ROBO1: variants seen among roughly 807,000 people sequenced by gnomAD.
ROBO1 encodes roundabout guidance receptor 1.
ROBO1 carries 149 observed loss-of-function variants against 195.9 expected under a neutral mutation model. The ratio of observed to expected loss-of-function variants is 0.76; its 90% CI spans 0.67 to 0.87. The LOEUF (loss-of-function observed/expected upper bound fraction) is 0.87. ROBO1 is among the 40% of genes least tolerant of loss of function. ROBO1 has a pLI of 0.00. For synonymous variants in ROBO1, 816 were observed against 733.2 expected (o/e 1.11, Z -1.82); for missense variants, 1,933 against 2,068.3 (o/e 0.93, Z 1.27).
chr3:79,035,744 C>G (rs546721009), intron 3 of ROBO1, among the ~76,000 whole-genome samples: 1 of 150,530 alleles, frequency 6.6e-6, no homozygotes, highest in South Asian at 2.1e-4. Flanking sequence ...AAAAAAAAAG[C>G]ATTAATAAGA....
intron 2 of ROBO1, among the ~76,000 whole-genome samples, chr3:79,284,921 A>G (rs2031790053): frequency 6.6e-6 from 1 of 152,078 alleles, no homozygotes; most frequent in African/African-American, 2.4e-5. Context: ...GTGACAAAAT[A>G]GCCTGGAAAA....
chr3:79,069,176 G>T (rs2079048601), intron 3 of ROBO1, among the ~76,000 whole-genome samples: 1 of 151,718 alleles, frequency 6.6e-6, no homozygotes, highest in South Asian at 2.1e-4. Context: ...CTGTTTAGTG[G>T]ATGAAAATAG....
chr3:79,460,148 T>A (rs1937582848), intron 2 of ROBO1, among the ~76,000 whole-genome samples: 1 of 152,188 alleles, frequency 6.6e-6, no homozygotes, highest in Non-Finnish European at 1.5e-5. Flanking sequence ...GCCAATTATC[T>A]TTCACTTAAA....
chr3:79,305,870 T>G (rs1338690196), intron 2 of ROBO1, among the ~76,000 whole-genome samples: 1 of 152,152 alleles, frequency 6.6e-6, no homozygotes, highest in Non-Finnish European at 1.5e-5. Context: ...ATAATTTCCT[T>G]TATCTAATAG....
At chr3:79,342,469 C>T (rs1377775142) in intron 2 of ROBO1, among the ~76,000 whole-genome samples, 1 of 152,106 alleles carries the variant, frequency 6.6e-6, no homozygotes, top group African/African-American at 2.4e-5. Context: ...TTCAGAATTA[C>T]TTCGAGTGCT....
At chr3:79,457,798 GCTCTGAGTCCATTAAAC>G (rs2039669784) in intron 2 of ROBO1, among the ~76,000 whole-genome samples, 1 of 152,084 alleles carries the variant, frequency 6.6e-6, no homozygotes, top group Non-Finnish European at 1.5e-5. Flanking sequence ...GCCATGTGGA[GCTCTGAGTCCATTAAAC>G]CTCTTTTTCT....
chr3:79,499,589 A>G (rs1366772580), intron 2 of ROBO1, among the ~76,000 whole-genome samples: 1 of 152,182 alleles, frequency 6.6e-6, no homozygotes, highest in Non-Finnish European at 1.5e-5. Flanking sequence ...AACAATGACC[A>G]CAAGCAGATC....
chr3:78,819,842 C>A (rs887611739), intron 4 of ROBO1, among the ~76,000 whole-genome samples: 2 of 152,124 alleles, frequency 1.3e-5, no homozygotes, highest in Non-Finnish European at 2.9e-5. Context: ...TAGACACACA[C>A]AAACCTGTTG....
intron 2 of ROBO1, among the ~76,000 whole-genome samples, chr3:79,253,709 C>G (rs2082774036): frequency 6.6e-6 from 1 of 152,144 alleles, no homozygotes; most frequent in Admixed American, 6.6e-5. Flanking sequence ...TACAAAATTC[C>G]TGCAAGTGCA....
At chr3:79,676,758 G>T (rs1178986648) in intron 1 of ROBO1, among the ~76,000 whole-genome samples, 1 of 152,092 alleles carries the variant, frequency 6.6e-6, no homozygotes, top group South Asian at 2.1e-4. Context: ...TAGAAGCAAG[G>T]TATAGGTCCT....
chr3:79,516,192 A>C (rs1940935731), intron 2 of ROBO1, among the ~76,000 whole-genome samples: 2 of 152,184 alleles, frequency 1.3e-5, no homozygotes, highest in Non-Finnish European at 2.9e-5. Flanking sequence ...AATGTGGTTT[A>C]CTGTTAGTAT....
intron 2 of ROBO1, among the ~76,000 whole-genome samples, chr3:79,454,130 C>A (rs1160896629): frequency 2.4e-5 from 3 of 124,450 alleles, no homozygotes; most frequent in East Asian, 5.9e-4. Flanking sequence ...TAATTTCATT[C>A]CTTTTTTTTT....
At chr3:79,703,751 T>C (rs1947688346) in intron 1 of ROBO1, among the ~76,000 whole-genome samples, 1 of 151,994 alleles carries the variant, frequency 6.6e-6, no homozygotes, top group Non-Finnish European at 1.5e-5. Flanking sequence ...TAGGGAAACT[T>C]AGAAGAATGA....
At chr3:79,592,768 A>T (rs897069402) in intron 1 of ROBO1, among the ~76,000 whole-genome samples, 1 of 152,040 alleles carries the variant, frequency 6.6e-6, no homozygotes, top group Admixed American at 6.6e-5. Flanking sequence ...CATAGTTTAC[A>T]TTAAGGTTTA....
At chr3:79,104,118 A>G (rs2079730928) in intron 3 of ROBO1, among the ~76,000 whole-genome samples, 1 of 151,800 alleles carries the variant, frequency 6.6e-6, no homozygotes. Flanking sequence ...GGCCGGAAGT[A>G]GGAGCTGGAT....
rs1477946950 is a variant in ROBO1, at chr3:79,611,790, T to A, written c.-50-21829A>T. 2.0e-5 allele frequency among the ~76,000 whole-genome samples: 3 copies of A among 152,090 alleles called. No individual in the cohort carries two copies. In the East Asian group the frequency reaches 5.8e-4, roughly 30 times the overall value. On this transcript the variant is annotated intron_variant, in intron 1 of 30. Coordinates refer to ENST00000464233, the MANE Select transcript of ROBO1 (RefSeq NM_002941.4). The stretch of plus-strand genomic sequence containing the variant: ...CATTAGGAGAAATACCTAATGTGGA[T>A]GATGGGTTGAGGGGTGCAGCAAACC...
intron 2 of ROBO1, among the ~76,000 whole-genome samples, chr3:79,320,102 A>C (rs1484464151): frequency 1.3e-5 from 2 of 152,212 alleles, no homozygotes; most frequent in African/African-American, 2.4e-5. Context: ...TATAAGCAAC[A>C]GAAAATTATT....
chr3:79,116,486 CCTT>C (rs2080003215), intron 3 of ROBO1, among the ~76,000 whole-genome samples: 1 of 145,930 alleles, frequency 6.9e-6, no homozygotes, highest in Non-Finnish European at 1.5e-5. Context: ...CTCTTTCTCT[CCTT>C]CTCTCTCTCT....
chr3:79,716,272 G>A lies in ROBO1; in HGVS notation c.-51+51480C>T, dbSNP rs55808924. On this transcript the variant is annotated intron_variant, in intron 1 of 30. Coordinates refer to ENST00000464233, the MANE Select transcript of ROBO1 (RefSeq NM_002941.4). ...GAATATTAACCATAATAATTTAAGGGAGGTGCCCCAGTATACCCAGTATCA... is the reference window on the plus strand; with the variant it reads ...GAATATTAACCATAATAATTTAAGGAAGGTGCCCCAGTATACCCAGTATCA... Among the ~76,000 whole-genome samples, 675 of 151,810 alleles carry A rather than the reference G, an allele frequency of 4.4e-3. 9 individuals are homozygous for A. Among genetic ancestry groups the A allele is most frequent in the Non-Finnish European group, 6.0e-3 (406 of 67,814 alleles).
Sources: allele counts gnomAD v4.1 joint callset (sites outside exome capture counted in the v4.1 genomes callset), GRCh38; gene constraint gnomAD v4.1.1; transcripts MANE v1.5; gene names NCBI Gene and HGNC (gene_info 2026-07-23, HGNC 2026-07-21).